Variants in VTI1A observed in about 807,000 individuals in gnomAD.
VTI1A encodes the protein vesicle transport through interaction with t-SNAREs homolog 1A.
Under a neutral mutation model 34.9 loss-of-function variants are expected in VTI1A, and 22 were observed. The ratio of observed to expected loss-of-function variants is 0.63; its 90% CI spans 0.45 to 0.90. VTI1A has a LOEUF of 0.90. Ranked by LOEUF, VTI1A falls within the 40% of genes least tolerant of loss-of-function variation. The pLI is 0.00. For missense variants in VTI1A, 268 were observed against 275.6 expected (o/e 0.97, Z 0.20); for synonymous variants, 87 against 97.3 (o/e 0.89, Z 0.62).
intron 5 of VTI1A, among the ~76,000 whole-genome samples, chr10:112,608,090 C>T (rs1845156885): frequency 6.6e-6 from 1 of 152,138 alleles, no homozygotes; most frequent in Admixed American, 6.5e-5. Flanking sequence ...GTATTGGGGG[C>T]CATCTTGGGG....
chr10:112,586,430 A>T (rs1057211729), intron 5 of VTI1A, among the ~76,000 whole-genome samples: 1 of 152,212 alleles, frequency 6.6e-6, no homozygotes, highest in African/African-American at 2.4e-5. Flanking sequence ...GAGAAGGAAT[A>T]AGTGAACATT....
chr10:112,518,012 CTGT>C (rs1263058394), intron 3 of VTI1A, among the ~76,000 whole-genome samples: 4 of 152,080 alleles, frequency 2.6e-5, no homozygotes, highest in South Asian at 4.1e-4. Context: ...ACTCTCTGCA[CTGT>C]TGTTGTAAAC....
At chr10:112,846,179 G>A in the VTI1A span, among the ~76,000 whole-genome samples, 2 of 152,108 alleles carry the variant, frequency 1.3e-5, no homozygotes, top group African/African-American at 4.8e-5. Flanking sequence ...TTATTTTGGG[G>A]GTCTTTCCCC....
intron 5 of VTI1A, among the ~76,000 whole-genome samples, chr10:112,607,316 G>A (rs560115809): frequency 6.6e-6 from 1 of 151,882 alleles, no homozygotes; most frequent in South Asian, 2.1e-4. Flanking sequence ...CTAAGTCACA[G>A]AGAGATTGAG....
rs146876432 is a variant in VTI1A at position 112,725,334 on chromosome 10, A to G, written c.560+56336A>G. On this transcript the variant is annotated intron_variant, in intron 7 of 7. Coordinates refer to ENST00000393077, the MANE Select transcript of VTI1A (RefSeq NM_145206.4). The stretch of plus-strand genomic sequence containing the variant: ...TTGAATATTGCATCTCCATGGTGCC[A>G]TTTAACATGTTTATATTTCCTCTGT... 1.9e-3 allele frequency among the ~76,000 whole-genome samples: 284 copies of G among 152,322 alleles called. 2 individuals are homozygous for G. The highest frequency in any genetic ancestry group is 1.6e-3 in the Non-Finnish European group (107 of 68,018).
chr10:112,760,364 C>T lies in VTI1A; in HGVS notation c.561-54926C>T, dbSNP rs79979106. ...GTAACAATATACTGTAATAAAAATT[C>T]GGTGAATATGGTCTCTCTCTCTCTC... On this transcript the variant is annotated intron_variant, in intron 7 of 7. Coordinates refer to ENST00000393077, the MANE Select transcript of VTI1A (RefSeq NM_145206.4). 3.2e-3 allele frequency among the ~76,000 whole-genome samples: 471 copies of T among 149,154 alleles called. 7 individuals are homozygous for T. The highest frequency in any genetic ancestry group is 0.011 in the African/African-American group (448 of 41,264).
intron 7 of VTI1A, among the ~76,000 whole-genome samples, chr10:112,707,107 T>G (rs1849225958): frequency 6.6e-6 from 1 of 152,210 alleles, no homozygotes; most frequent in African/African-American, 2.4e-5. Flanking sequence ...TAAAACTCCC[T>G]TTAAGCCTCA....
intron 7 of VTI1A, among the ~76,000 whole-genome samples, chr10:112,738,071 G>T (rs974480007): frequency 6.6e-6 from 1 of 152,162 alleles, no homozygotes; most frequent in Non-Finnish European, 1.5e-5. Context: ...CTTGTCAATT[G>T]TTGGGGCAAA....
At chr10:112,792,878 AC>A (rs1852536195) in intron 7 of VTI1A, among the ~76,000 whole-genome samples, 1 of 152,250 alleles carries the variant, frequency 6.6e-6, no homozygotes. Context: ...AAGCAAAGTT[AC>A]GTCTCAGTCT....
chr10:112,711,304 T>G (rs546749789), intron 7 of VTI1A, among the ~76,000 whole-genome samples: 59 of 152,338 alleles, frequency 3.9e-4, no homozygotes, highest in African/African-American at 1.4e-3. Flanking sequence ...AAATGTGCTG[T>G]TTTTAGGACC....
chr10:112,493,802 G>A (rs190587251), intron 3 of VTI1A, among the ~76,000 whole-genome samples: 25 of 152,136 alleles, frequency 1.6e-4, no homozygotes, highest in Admixed American at 1.2e-3. Flanking sequence ...CCTCGTATTC[G>A]TAGGATAAAT....
chr10:112,584,739 A>G (rs1175238827), intron 5 of VTI1A, among the ~76,000 whole-genome samples: 2 of 152,232 alleles, frequency 1.3e-5, no homozygotes, highest in Admixed American at 6.5e-5. Flanking sequence ...CCCGTGGAGT[A>G]TAGATAGAAT....
In VTI1A at chr10:112,815,681, C is replaced by A; in HGVS notation, c.*298C>A. ...AGCCAAAATAGCCCCAGTGACACTC[C>A]TAGCCCTCTGGACGTGTCAAGGGCC... On this transcript the variant is annotated 3_prime_UTR_variant, in exon 8 of 8. Transcript: ENST00000393077. 2.4e-6 allele frequency: 1 copy of A among 411,782 alleles called. No individual in the cohort carries two copies. The highest frequency in any genetic ancestry group is 4.5e-6 in the Non-Finnish European group (1 of 221,904). 25.5% of individuals were successfully genotyped at this position (411,782 alleles called of 1,614,324 possible). A position where few individuals can be genotyped will look rare whatever the true frequency, so the allele number is the denominator to read the frequency against.
At chr10:112,839,660 G>C in the VTI1A span, among the ~76,000 whole-genome samples, 2 of 152,178 alleles carry the variant, frequency 1.3e-5, no homozygotes, top group Admixed American at 6.5e-5. Flanking sequence ...TAGGGGCACT[G>C]CTGCTGGTGG....
In VTI1A at chr10:112,730,976, C is replaced by G. The variant is rs745442976; in HGVS notation, c.560+61978C>G. 2.6e-4 allele frequency among the ~76,000 whole-genome samples: 39 copies of G among 152,102 alleles called. No individual in the cohort carries two copies. In the South Asian group the frequency reaches 6.4e-3, roughly 25 times the overall value. ...TGCCAAGAAATTATATATAATTAGTCTGGGTAATATATAATTTCCATTTGA... is the reference window on the plus strand; with the variant it reads ...TGCCAAGAAATTATATATAATTAGTGTGGGTAATATATAATTTCCATTTGA... On this transcript the variant is annotated intron_variant, in intron 7 of 7. Transcript: ENST00000393077.
intron 1 of VTI1A, among the ~76,000 whole-genome samples, chr10:112,453,996 C>T (rs1310236380): frequency 6.6e-6 from 1 of 152,194 alleles, no homozygotes; most frequent in African/African-American, 2.4e-5. Flanking sequence ...ATACTAGTAT[C>T]TCCAGCTCTA....
At chr10:112,488,387 T>C (rs1164264623) in intron 3 of VTI1A, among the ~76,000 whole-genome samples, 1 of 152,194 alleles carries the variant, frequency 6.6e-6, no homozygotes, top group African/African-American at 2.4e-5. Flanking sequence ...CTGTATTAAG[T>C]GAAGAGTACC....
At chr10:112,821,558 C>G (rs1024096583), downstream of VTI1A, among the ~76,000 whole-genome samples, 13 of 152,178 alleles carry the variant, frequency 8.5e-5, no homozygotes, top group African/African-American at 3.1e-4. Flanking sequence ...AATGTTCTGC[C>G]AAGGACCCAG....
At chr10:112,644,303 T>G (rs1846691177) in intron 5 of VTI1A, among the ~76,000 whole-genome samples, 1 of 152,218 alleles carries the variant, frequency 6.6e-6, no homozygotes, top group African/African-American at 2.4e-5. Flanking sequence ...TTGACAATTT[T>G]GTTGTAGTTC....
Sources: allele counts gnomAD v4.1 joint callset (sites outside exome capture counted in the v4.1 genomes callset), GRCh38; gene constraint gnomAD v4.1.1; transcripts MANE v1.5; gene names NCBI Gene and HGNC (gene_info 2026-07-23, HGNC 2026-07-21).